Variants in DOCK8 observed in about 807,000 individuals in gnomAD.
The protein encoded by DOCK8 is dedicator of cytokinesis protein 8.
In DOCK8, 141 loss-of-function variants were observed where a neutral mutation model predicts 245.6. That is an observed-to-expected ratio of 0.57 (90% CI 0.50 to 0.66). DOCK8 has a LOEUF of 0.66. DOCK8 is among the 30% of genes least tolerant of loss of function. DOCK8 has a pLI of 0.00. For missense variants in DOCK8, 2,965 were observed against 2,603.4 expected (o/e 1.14, Z -3.02); for synonymous variants, 1,168 against 970.2 (o/e 1.20, Z -3.79).
At chr9:237,393 G>A (rs914303107) in intron 1 of DOCK8, among the ~76,000 whole-genome samples, 2 of 152,236 alleles carry the variant, frequency 1.3e-5, no homozygotes, top group Admixed American at 6.5e-5. Context: ...TGTGGCTTAC[G>A]CCTGTAATCC....
chr9:286,248 CTCA>C (rs2048817874), intron 2 of DOCK8, among the ~76,000 whole-genome samples: 1 of 152,168 alleles, frequency 6.6e-6, no homozygotes, highest in African/African-American at 2.4e-5. Context: ...ATTTTAATTA[CTCA>C]TCATGTTATG....
intron 33 of DOCK8, among the ~76,000 whole-genome samples, chr9:424,002 G>C (rs538923356): frequency 6.6e-6 from 1 of 151,728 alleles, no homozygotes; most frequent in Non-Finnish European, 1.5e-5. Context: ...TGCGCTACCT[G>C]GTGGGCTGCT....
intron 6 of DOCK8, among the ~76,000 whole-genome samples, chr9:314,713 T>G (rs1486216472): frequency 6.6e-6 from 1 of 152,236 alleles, no homozygotes; most frequent in East Asian, 1.9e-4. Flanking sequence ...TTATAATTTG[T>G]GCTTTCTCCA....
Position 435,045 on chromosome 9 carries a change from G to A in DOCK8, c.5079+70G>A, listed in dbSNP as rs906407085. On this transcript the variant is annotated intron_variant, in intron 39 of 47. Coordinates refer to ENST00000432829, the MANE Select transcript of DOCK8 (RefSeq NM_203447.4). ...GGGGCGATTTTGTCCCCCAGCCCCA[G>A]GGACATTTGGCAATGTCTAGATACA... is the stretch of plus-strand genomic sequence containing the variant. 3.8e-6 allele frequency: 6 copies of A among 1,571,390 alleles called. No homozygotes were observed. In the African/African-American group the frequency reaches 8.1e-5, roughly 21 times the overall value.
intron 32 of DOCK8, 88 bp downstream of exon 32, chr9:421,166 C>G (rs2056261613): frequency 1.9e-6 from 3 of 1,546,012 alleles, no homozygotes; most frequent in Non-Finnish European, 2.7e-6. Context: ...GATTAGACAC[C>G]ATTACTTTCT....
intron 15 of DOCK8, 181 bp from the exon 16 acceptor site, chr9:370,049 C>G (rs2053214021): frequency 4.7e-6 from 3 of 641,552 alleles, no homozygotes; most frequent in Non-Finnish European, 8.5e-6. Context: ...GCCATTCTCC[C>G]ACGCCGACCT....
chr9:241,758 A>T (rs2047378267), intron 1 of DOCK8, among the ~76,000 whole-genome samples: 1 of 152,190 alleles, frequency 6.6e-6, no homozygotes, highest in South Asian at 2.1e-4. Context: ...TTGCTAGATC[A>T]TATGGTAGTT....
chr9:332,300 A>G (rs1487154706), intron 9 of DOCK8, 98 bp from the exon 10 acceptor site: 1 of 836,352 alleles, frequency 1.2e-6, no homozygotes, highest in African/African-American at 1.7e-5. Flanking sequence ...TTCCTATGTC[A>G]TCAAATATTG....
intron 6 of DOCK8, among the ~76,000 whole-genome samples, chr9:314,773 T>C (rs1452512678): frequency 1.3e-5 from 2 of 151,930 alleles, no homozygotes; most frequent in Non-Finnish European, 2.9e-5. Flanking sequence ...CTGACATGAT[T>C]ACAAATGCTG....
chr9:250,825 A>G (rs2047627528), intron 1 of DOCK8, among the ~76,000 whole-genome samples: 1 of 152,226 alleles, frequency 6.6e-6, no homozygotes, highest in Non-Finnish European at 1.5e-5. Flanking sequence ...CTGGCTGTCC[A>G]GCAAAAGGTC....
chr9:325,125 C>G (rs2050700787), intron 7 of DOCK8, among the ~76,000 whole-genome samples: 1 of 68,536 alleles, frequency 1.5e-5, no homozygotes, highest in African/African-American at 6.3e-5. Flanking sequence ...CATCCAAGTT[C>G]CTGCAAAAGA....
Position 333,564 on chromosome 9 carries a change from G to C in DOCK8, c.1126-661G>C, listed in dbSNP as rs113930175. On this transcript the variant is annotated intron_variant, in intron 10 of 47. Coordinates refer to ENST00000432829, the MANE Select transcript of DOCK8 (RefSeq NM_203447.4). ...TGCAGTGAGCCGAGATCGTGCCACTGCACTCCAGCCTGGGTGACAGAGTGA... is the reference window on the plus strand; with the variant it reads ...TGCAGTGAGCCGAGATCGTGCCACTCCACTCCAGCCTGGGTGACAGAGTGA... Among the ~76,000 whole-genome samples the C allele has an allele frequency of 6.6e-3, 989 of 150,866 alleles. 14 individuals are homozygous for C. The highest frequency in any genetic ancestry group is 0.022 in the African/African-American group (892 of 40,976).
intron 43 of DOCK8, 38 bp from the exon 44 acceptor site, chr9:446,332 A>G (rs1207162000): frequency 5.7e-6 from 9 of 1,567,484 alleles, no homozygotes; most frequent in Admixed American, 1.7e-5. Context: ...CGTTTGCAGA[A>G]TAGCTCATCT....
At chr9:427,944 C>A (rs2056560540) in intron 34 of DOCK8, among the ~76,000 whole-genome samples, 1 of 152,126 alleles carries the variant, frequency 6.6e-6, no homozygotes, top group South Asian at 2.1e-4. Context: ...TGTTGTTAGT[C>A]CTTCTGTAGG....
At chr9:282,161 A>G (rs1022275049) in intron 2 of DOCK8, among the ~76,000 whole-genome samples, 2 of 152,106 alleles carry the variant, frequency 1.3e-5, no homozygotes, top group Non-Finnish European at 2.9e-5. Context: ...TCACCACCTC[A>G]TGGTTTATTA....
rs752823778 is a variant in DOCK8 at position 298,065 on chromosome 9, A to G, written c.405-6516A>G. 3.9e-5 allele frequency among the ~76,000 whole-genome samples: 6 copies of G among 152,252 alleles called. No homozygotes were observed. In the South Asian group the frequency reaches 8.3e-4, roughly 21 times the overall value. ...AGAAAGCAAGCATCATTTGTGTACA[A>G]TAGCCAAAGAACAATAGCCAAATAA... On this transcript the variant is annotated intron_variant, in intron 4 of 47. Transcript: ENST00000432829.
chr9:336,466 T>G, intron 11 of DOCK8, 116 bp from the exon 12 acceptor site: 2 of 1,368,792 alleles, frequency 1.5e-6, no homozygotes, highest in Non-Finnish European at 2.1e-6. Context: ...AAAACAAGGA[T>G]GGCCATATTC....
chr9:275,763 A>G (rs2094460), intron 2 of DOCK8, among the ~76,000 whole-genome samples: 62,184 of 151,676 alleles, frequency 0.41, 13,018 homozygotes, highest in Non-Finnish European at 0.44. Context: ...TAATTTTTGT[A>G]CTTTTAGTAG....
chr9:260,337 AAAGTT>A (rs1035676951), intron 1 of DOCK8, among the ~76,000 whole-genome samples: 3 of 152,222 alleles, frequency 2.0e-5, no homozygotes. Flanking sequence ...TCCTGCCCAT[AAAGTT>A]AAGAAAAGAG....
Sources: allele counts gnomAD v4.1 joint callset (sites outside exome capture counted in the v4.1 genomes callset), GRCh38; gene constraint gnomAD v4.1.1; transcripts MANE v1.5; gene names NCBI Gene and HGNC (gene_info 2026-07-23, HGNC 2026-07-21).